Variants in LHFPL6 observed in about 807,000 individuals in gnomAD.
LHFPL6 encodes the protein LHFPL tetraspan subfamily member 6.
In LHFPL6, 9 loss-of-function variants were observed where a neutral mutation model predicts 20.6. The observed-to-expected ratio is 0.44, with a 90% CI of 0.26 to 0.76. The LOEUF (loss-of-function observed/expected upper bound fraction) is 0.76. Ranked by LOEUF, LHFPL6 falls within the 30% of genes least tolerant of loss-of-function variation. The pLI, the probability that LHFPL6 is intolerant of heterozygous loss-of-function variation, is 0.20. For missense variants in LHFPL6, 218 were observed against 253.5 expected, an observed-to-expected ratio of 0.86 and a Z score of 0.95; for synonymous variants, 105 against 98.7, an observed-to-expected ratio of 1.06 and a Z score of -0.38.
At chr13:39,391,380 C>T (rs1425300680) in intron 2 of LHFPL6, among the ~76,000 whole-genome samples, 1 of 152,130 alleles carries the variant, frequency 6.6e-6, no homozygotes, top group Non-Finnish European at 1.5e-5. Context: ...TGATCATGGG[C>T]AACTTTCTTG....
At chr13:39,365,813 C>A (rs1304806273) in intron 3 of LHFPL6, among the ~76,000 whole-genome samples, 1 of 152,138 alleles carries the variant, frequency 6.6e-6, no homozygotes, top group Non-Finnish European at 1.5e-5. Context: ...CAACAAAAAA[C>A]CAGAAATCTT....
intron 2 of LHFPL6, among the ~76,000 whole-genome samples, chr13:39,591,210 G>A (rs1872581758): frequency 6.6e-6 from 1 of 152,078 alleles, no homozygotes; most frequent in Admixed American, 6.6e-5. Flanking sequence ...TGGCAAAAAA[G>A]AAACTAGATC....
chr13:39,457,658 C>G (rs1872602345), intron 2 of LHFPL6, among the ~76,000 whole-genome samples: 1 of 152,132 alleles, frequency 6.6e-6, no homozygotes, highest in Admixed American at 6.5e-5. Context: ...TGACAAAAAT[C>G]AGGTATGTGG....
At chr13:39,359,124 G>A (rs2138343473) in intron 3 of LHFPL6, among the ~76,000 whole-genome samples, 1 of 152,222 alleles carries the variant, frequency 6.6e-6, no homozygotes, top group East Asian at 1.9e-4. Context: ...ATCACACCAC[G>A]TACTCCAGCC....
intron 2 of LHFPL6, among the ~76,000 whole-genome samples, chr13:39,419,568 A>G (rs1278377359): frequency 6.6e-6 from 1 of 152,248 alleles, no homozygotes; most frequent in Non-Finnish European, 1.5e-5. Context: ...AAAATGTTTT[A>G]GCTTTTACTA....
intron 2 of LHFPL6, among the ~76,000 whole-genome samples, chr13:39,571,912 G>A (rs926864886): frequency 9.9e-5 from 15 of 152,214 alleles, no homozygotes; most frequent in African/African-American, 2.7e-4. Flanking sequence ...CGGATCCTAC[G>A]CTCGCTTGCT....
At chr13:39,517,158 G>T (rs576908563) in intron 2 of LHFPL6, among the ~76,000 whole-genome samples, 18 of 152,152 alleles carry the variant, frequency 1.2e-4, no homozygotes, top group African/African-American at 3.9e-4. Context: ...TGGACCGTAG[G>T]GGGGTAATGA....
chr13:39,356,444 A>G (rs1296509667), intron 3 of LHFPL6, among the ~76,000 whole-genome samples: 1 of 152,234 alleles, frequency 6.6e-6, no homozygotes, highest in Non-Finnish European at 1.5e-5. Context: ...TTAATAATCT[A>G]ACATCATATC....
intron 2 of LHFPL6, among the ~76,000 whole-genome samples, chr13:39,561,839 G>A (rs7996238): frequency 0.46 from 69,385 of 152,044 alleles, 16,775 homozygotes; most frequent in East Asian, 0.59. Context: ...TGTTGAATCA[G>A]AGTGAATATG....
chr13:39,523,109 C>G (rs1030696861), intron 2 of LHFPL6, among the ~76,000 whole-genome samples: 1 of 152,190 alleles, frequency 6.6e-6, no homozygotes, highest in Non-Finnish European at 1.5e-5. Context: ...CCACTTTGGG[C>G]CTTTATTTCA....
chr13:39,419,265 T>C (rs1871423233), intron 2 of LHFPL6, among the ~76,000 whole-genome samples: 1 of 152,226 alleles, frequency 6.6e-6, no homozygotes, highest in Non-Finnish European at 1.5e-5. Context: ...TACTCTGGAC[T>C]TCTTGTGAAA....
intron 2 of LHFPL6, among the ~76,000 whole-genome samples, chr13:39,524,344 G>A (rs201402685): frequency 2.0e-4 from 29 of 145,616 alleles, no homozygotes; most frequent in African/African-American, 1.5e-4. Flanking sequence ...GTAAGGCCTA[G>A]AAAAAAAAAA....
chr13:39,527,506 G>GAA (rs370726805), intron 2 of LHFPL6, among the ~76,000 whole-genome samples: 6 of 101,880 alleles, frequency 5.9e-5, no homozygotes, highest in Admixed American at 2.1e-4. Context: ...CTGTTGTCCA[G>GAA]AAAAAAAAAA....
At chr13:39,387,706 C>T (rs941334010) in intron 2 of LHFPL6, among the ~76,000 whole-genome samples, 6 of 152,156 alleles carry the variant, frequency 3.9e-5, no homozygotes, top group Admixed American at 1.3e-4. Context: ...TGCTCCTAAC[C>T]CCTCTTCTCC....
intron 2 of LHFPL6, among the ~76,000 whole-genome samples, chr13:39,465,271 A>G (rs760482638): frequency 6.6e-6 from 1 of 152,126 alleles, no homozygotes; most frequent in Non-Finnish European, 1.5e-5. Flanking sequence ...CTGTACCAAT[A>G]CTAATTTCTA....
chr13:39,384,146 C>T (rs1199893398), intron 2 of LHFPL6, among the ~76,000 whole-genome samples: 1 of 152,196 alleles, frequency 6.6e-6, no homozygotes, highest in Non-Finnish European at 1.5e-5. Context: ...GATCTTAATA[C>T]CCCACCGTAT....
At chr13:39,510,975 C>A (rs975557252) in intron 2 of LHFPL6, among the ~76,000 whole-genome samples, 1 of 151,892 alleles carries the variant, frequency 6.6e-6, no homozygotes, top group East Asian at 1.9e-4. Flanking sequence ...CAGGTTCAAG[C>A]GATTCTCCTG....
In LHFPL6 at chr13:39,442,481, A is replaced by C. The variant is rs573035284; in HGVS notation, c.386-63955T>G. On this transcript the variant is annotated intron_variant, in intron 2 of 3. Coordinates refer to ENST00000379589, the MANE Select transcript of LHFPL6 (RefSeq NM_005780.3). ...ATATCACTATAATCAAAACTTTGGAAAGTGCTAAAGGGTCTGATGGGCACT... is the reference window on the plus strand; with the variant it reads ...ATATCACTATAATCAAAACTTTGGACAGTGCTAAAGGGTCTGATGGGCACT... 4.6e-5 allele frequency among the ~76,000 whole-genome samples: 7 copies of C among 152,290 alleles called. No individual in the cohort carries two copies. In the East Asian group the frequency reaches 1.4e-3, roughly 29 times the overall value.
intron 2 of LHFPL6, among the ~76,000 whole-genome samples, chr13:39,383,728 G>A (rs970192076): frequency 3.3e-5 from 5 of 152,164 alleles, no homozygotes; most frequent in Non-Finnish European, 7.3e-5. Flanking sequence ...ATAAACTAGT[G>A]GGAGTTCTGG....
Sources: gnomAD v4.1 joint callset for allele counts (sites outside exome capture counted in the v4.1 genomes callset) on GRCh38, gnomAD v4.1.1 for gene constraint, MANE v1.5 for transcripts, NCBI Gene and HGNC (gene_info 2026-07-23, HGNC 2026-07-21) for gene names.